The following CYP19A1 variants were observed in gnomAD, a reference collection of about 807,000 sequenced individuals.
The protein encoded by CYP19A1 is aromatase.
In CYP19A1, 32 loss-of-function variants were observed where a neutral mutation model predicts 44.4. The observed-to-expected ratio is 0.72, with a 90% CI of 0.54 to 0.97. CYP19A1 has a LOEUF of 0.97. CYP19A1 is among the 50% of genes least tolerant of loss of function. The pLI is 0.00. For missense variants in CYP19A1, 598 were observed against 637.8 expected (o/e 0.94, Z 0.67); for synonymous variants, 212 against 215.6 (o/e 0.98, Z 0.14).
intron 4 of CYP19A1, among the ~76,000 whole-genome samples, chr15:51,224,033 T>C (rs1340467395): frequency 6.6e-6 from 1 of 152,224 alleles, no homozygotes; most frequent in Non-Finnish European, 1.5e-5. Flanking sequence ...TTTTAAAATA[T>C]GCTAAAAAGT....
chr15:51,210,446 C>A lies in CYP19A1; in HGVS notation c.*362G>T, dbSNP rs1052993445. ...GTGTTTCTGCCCCAGACATAAAAAT[C>A]CCCTTGGGTTGAGGCAGTAGAGCTC... is the stretch of plus-strand genomic sequence containing the variant. On this transcript the variant is annotated 3_prime_UTR_variant, in exon 10 of 10. Transcript: ENST00000396402. The A allele has an allele frequency of 2.9e-5, 15 of 522,392 alleles. No individual in the cohort carries two copies. The highest frequency in any genetic ancestry group is 4.8e-5 in the Non-Finnish European group (13 of 269,138). The allele number at this position is 522,392 out of a possible 1,614,324, so 32.4% of individuals were successfully genotyped here.
intron 1 of CYP19A1, chr15:51,312,311 A>G (rs1393757529): frequency 6.6e-6 from 1 of 152,254 alleles, no homozygotes; most frequent in Non-Finnish European, 1.5e-5. Flanking sequence ...TTTGGCGTCC[A>G]GTCTGTCAGA....
At chr15:51,294,996 G>C (rs76521691) in intron 1 of CYP19A1, among the ~76,000 whole-genome samples, 1 of 132,844 alleles carries the variant, frequency 7.5e-6, no homozygotes, top group African/African-American at 3.5e-5. Context: ...CTTCTGCCTT[G>C]GGGAAAAAAA....
chr15:51,211,794 T>TA (rs1566867537), intron 9 of CYP19A1: 1 of 309,472 alleles, frequency 3.2e-6, no homozygotes, highest in African/African-American at 2.2e-5. Context: ...ACATCAATTA[T>TA]AAAAAAAGAA....
At chr15:51,222,007 T>C (rs1467375644) in intron 5 of CYP19A1, 5 of 456,736 alleles carry the variant, frequency 1.1e-5, no homozygotes, top group Non-Finnish European at 2.0e-5. Flanking sequence ...AAAGAACAAC[T>C]GGAAATGGTT....
chr15:51,226,995 T>A (rs1028319022), intron 4 of CYP19A1, among the ~76,000 whole-genome samples: 2 of 152,168 alleles, frequency 1.3e-5, no homozygotes, highest in African/African-American at 2.4e-5. Context: ...TCATCTGGGC[T>A]GTCAGTCAAG....
intron 2 of CYP19A1, 72 bp from the exon 3 acceptor site, chr15:51,237,081 G>C: frequency 3.2e-6 from 5 of 1,550,110 alleles, no homozygotes; most frequent in Admixed American, 1.7e-5. Context: ...TGTTACTCCT[G>C]TTTTTGTTCT....
chr15:51,230,617 C>CTT lies in CYP19A1; in HGVS notation c.297-2686_297-2685dup, dbSNP rs35011672. On this transcript the variant is annotated intron_variant, in intron 3 of 9. Coordinates refer to ENST00000396402, the MANE Select transcript of CYP19A1 (RefSeq NM_000103.4). ...CAATTAATGGACTAATTGGTGCCTT[C>CTT]TTTTTTTTTTTTTTTTTTTGAGACA... Among the ~76,000 whole-genome samples, 927 of 126,492 alleles carry CTT rather than the reference C, an allele frequency of 7.3e-3. 10 individuals are homozygous for CTT. The highest frequency in any genetic ancestry group is 8.9e-3 in the South Asian group (34 of 3,828). 83.0% of individuals were successfully genotyped at this position (126,492 alleles called of 152,430 possible).
chr15:51,294,997 G>T (rs2140993924), intron 1 of CYP19A1, among the ~76,000 whole-genome samples: 1 of 133,698 alleles, frequency 7.5e-6, no homozygotes, highest in South Asian at 2.4e-4. Context: ...TTCTGCCTTG[G>T]GGAAAAAAAA....
intron 1 of CYP19A1, among the ~76,000 whole-genome samples, chr15:51,314,605 G>C (rs567604344): frequency 6.6e-5 from 10 of 152,178 alleles, no homozygotes; most frequent in African/African-American, 2.4e-4. Flanking sequence ...ATCACACACT[G>C]TTCTGCCTTA....
At chr15:51,237,757 AGAACAT>A (rs1340816988) in intron 2 of CYP19A1, among the ~76,000 whole-genome samples, 1 of 152,252 alleles carries the variant, frequency 6.6e-6, no homozygotes, top group African/African-American at 2.4e-5. Flanking sequence ...AGAATTGTAA[AGAACAT>A]GCGTCCAGGG....
At chr15:51,268,518 T>TC (rs1410916672) in intron 1 of CYP19A1, among the ~76,000 whole-genome samples, 21 of 61,212 alleles carry the variant, frequency 3.4e-4, no homozygotes, top group South Asian at 1.1e-3. Context: ...CATCGTTTCC[T>TC]TCCCCCCCCC....
At chr15:51,311,090 T>C (rs185757765) in intron 1 of CYP19A1, among the ~76,000 whole-genome samples, 1 of 152,016 alleles carries the variant, frequency 6.6e-6, no homozygotes, top group Admixed American at 6.6e-5. Flanking sequence ...CAGGAAACAA[T>C]TTAAAACTAC....
intron 4 of CYP19A1, among the ~76,000 whole-genome samples, chr15:51,223,192 C>T (rs568757964): frequency 1.1e-4 from 16 of 152,254 alleles, no homozygotes; most frequent in African/African-American, 3.9e-4. Context: ...CAGTGACAGC[C>T]ACTCATTAGC....
chr15:51,251,095 G>T (rs1454022384), intron 1 of CYP19A1, among the ~76,000 whole-genome samples: 1 of 152,154 alleles, frequency 6.6e-6, no homozygotes, highest in South Asian at 2.1e-4. Flanking sequence ...GGGCTGAGGG[G>T]GAGCACTGAA....
intron 1 of CYP19A1, among the ~76,000 whole-genome samples, chr15:51,261,188 C>T (rs923263166): frequency 4.6e-5 from 7 of 152,218 alleles, no homozygotes; most frequent in African/African-American, 7.2e-5. Context: ...CCATGACCCA[C>T]GGCTTCTAAT....
intron 1 of CYP19A1, among the ~76,000 whole-genome samples, chr15:51,265,369 A>G (rs2034878658): frequency 6.6e-6 from 1 of 152,236 alleles, no homozygotes; most frequent in African/African-American, 2.4e-5. Flanking sequence ...AAAAATAAAT[A>G]TTTTGAGTTT....
At chr15:51,272,903 GC>G (rs1307165384) in intron 1 of CYP19A1, among the ~76,000 whole-genome samples, 2 of 152,088 alleles carry the variant, frequency 1.3e-5, no homozygotes, top group Non-Finnish European at 2.9e-5. Context: ...TTCCATAAAT[GC>G]ATACTCGGTT....
chr15:51,334,226 T>C (rs1174177687), intron 1 of CYP19A1, among the ~76,000 whole-genome samples: 1 of 152,212 alleles, frequency 6.6e-6, no homozygotes, highest in African/African-American at 2.4e-5. Flanking sequence ...TGGCCCAAGA[T>C]GGGGGCCAAA....
Sources: allele counts gnomAD v4.1 joint callset (sites outside exome capture counted in the v4.1 genomes callset), GRCh38; gene constraint gnomAD v4.1.1; transcripts MANE v1.5; gene names NCBI Gene and HGNC (gene_info 2026-07-23, HGNC 2026-07-21).